GRM4: variants seen among roughly 807,000 people sequenced by gnomAD.
The protein encoded by GRM4 is metabotropic glutamate receptor 4.
In GRM4, 28 loss-of-function variants were observed where a neutral mutation model predicts 81.7. The ratio of observed to expected loss-of-function variants is 0.34; its 90% CI spans 0.25 to 0.47. The LOEUF (loss-of-function observed/expected upper bound fraction) is 0.47, where lower values mean the gene tolerates loss of function less well. Among genes scored for constraint, GRM4 ranks in the 20% least tolerant of loss-of-function variants. The pLI, the probability that GRM4 is intolerant of heterozygous loss-of-function variation, is 1.00. For missense variants in GRM4, 948 were observed against 1,290.0 expected (o/e 0.73, Z 4.06); for synonymous variants, 488 against 528.8 (o/e 0.92, Z 1.06).
chr6:34,028,013 G>C, intron 10 of GRM4, 107 bp downstream of exon 10: 2 of 1,256,560 alleles, frequency 1.6e-6, no homozygotes, highest in South Asian at 3.0e-5. Flanking sequence ...TCCCCAGGAT[G>C]GGGCATCGGG....
intron 3 of GRM4, among the ~76,000 whole-genome samples, chr6:34,077,861 T>A (rs549662368): frequency 9.9e-5 from 15 of 152,106 alleles, no homozygotes; most frequent in Non-Finnish European, 1.9e-4. Context: ...CCTATAACAA[T>A]CTCAATGTCT....
rs1766644152 is a variant in GRM4, at chr6:34,069,101, C to A, written c.737-7073G>T. Among the ~76,000 whole-genome samples, 1 of 151,864 alleles carries A rather than the reference C, an allele frequency of 6.6e-6. No individual in the cohort carries two copies. Among genetic ancestry groups the A allele is most frequent in the Non-Finnish European group, 1.5e-5 (1 of 67,968 alleles). On this transcript the variant is annotated intron_variant, in intron 3 of 10. Transcript: ENST00000538487. This position sits in a 1 kb window ranked among gnomAD's most constrained non-coding sequence, Gnocchi z 6.4. ...GGGGCAGGAGAGCAGGTCCCCCCGG[C>A]TCCCATAGGGGAGGACAGAGGGGAG...
chr6:34,152,986 C>T lies in GRM4; in HGVS notation c.312+2093G>A, dbSNP rs919058241. 3.3e-5 allele frequency among the ~76,000 whole-genome samples: 5 copies of T among 152,076 alleles called. No homozygotes were observed. The highest frequency in any genetic ancestry group is 7.4e-5 in the Non-Finnish European group (5 of 68,022). On this transcript the variant is annotated intron_variant, in intron 1 of 8. Transcript: ENST00000374177. The surrounding 1 kb of genome is among the most constrained non-coding windows in gnomAD (Gnocchi z 4.1). ...TGCTCATCAGAGTCTCCACAACAGCCCTGTGATGGACCAGCCAGTGCAATG... is the reference window on the plus strand; with the variant it reads ...TGCTCATCAGAGTCTCCACAACAGCTCTGTGATGGACCAGCCAGTGCAATG...
chr6:34,037,861 CA>C (rs34369343), intron 8 of GRM4, among the ~76,000 whole-genome samples: 71 of 116,166 alleles, frequency 6.1e-4, no homozygotes, highest in East Asian at 3.1e-3. Context: ...GATTCCGTCT[CA>C]AAAAAAAAAA....
rs1489452594 is a variant in GRM4, at chr6:34,089,048, CT to C, written c.736+2834del. 6.6e-6 allele frequency among the ~76,000 whole-genome samples: 1 copy of C among 152,172 alleles called. No homozygotes were observed. The highest frequency in any genetic ancestry group is 1.5e-5 in the Non-Finnish European group (1 of 68,024). On this transcript the variant is annotated intron_variant, in intron 3 of 10. Transcript: ENST00000538487. The surrounding 1 kb of genome is among the most constrained non-coding windows in gnomAD (Gnocchi z 4.3). Reference sequence around the variant, plus strand: ...TGGCCTTGGGAAAGTGACCCACCCCCTCTGGCCTCCATTTCCCCATCTATAA... The same window carrying C: ...TGGCCTTGGGAAAGTGACCCACCCCCCTGGCCTCCATTTCCCCATCTATAA...
rs906278816 is a variant in GRM4, at chr6:34,046,807, C to G, written c.1169-6059G>C. On this transcript the variant is annotated intron_variant, in intron 6 of 10. Coordinates refer to ENST00000538487, the MANE Select transcript of GRM4 (RefSeq NM_000841.4). Reference sequence around the variant, plus strand: ...CAGATATAAACCTGCATTTACACAGCCTGTCTCCCAGAGCTGTGGGAAGGT... The same window carrying G: ...CAGATATAAACCTGCATTTACACAGGCTGTCTCCCAGAGCTGTGGGAAGGT... Among the ~76,000 whole-genome samples the G allele has an allele frequency of 1.3e-5, 2 of 152,212 alleles. 1 individual carries two copies. The highest frequency in any genetic ancestry group is 4.8e-5 in the African/African-American group (2 of 41,450).
rs1763862107 is a variant in GRM4, at chr6:34,021,249, CACAG to C, written c.*1568_*1571del. Reference sequence around the variant, plus strand: ...TGCGCATGGAGGCGCTGGACGTGCACACAGACACACAGCCAACACAGCCAACACA... The same window carrying C: ...TGCGCATGGAGGCGCTGGACGTGCACACACACAGCCAACACAGCCAACACA... On this transcript the variant is annotated 3_prime_UTR_variant, in exon 11 of 11. Transcript: ENST00000538487. The surrounding 1 kb of genome is among the most constrained non-coding windows in gnomAD (Gnocchi z 5.3). 6.6e-6 allele frequency: 1 copy of C among 152,596 alleles called. No individual in the cohort carries two copies. The highest frequency in any genetic ancestry group is 1.5e-5 in the Non-Finnish European group (1 of 68,210). 9.5% of individuals were successfully genotyped at this position (152,596 alleles called of 1,614,324 possible). A position where few individuals can be genotyped will look rare whatever the true frequency, so the allele number is the denominator to read the frequency against.
chr6:34,151,597 G>A (rs989781249), intron 1 of GRM4, among the ~76,000 whole-genome samples: 1 of 152,124 alleles, frequency 6.6e-6, no homozygotes, highest in Non-Finnish European at 1.5e-5. Flanking sequence ...TGACAGGCAC[G>A]GGAGGGGCGC....
intron 6 of GRM4, among the ~76,000 whole-genome samples, chr6:34,051,983 T>G (rs1016924740): frequency 6.6e-6 from 1 of 152,138 alleles, no homozygotes; most frequent in African/African-American, 2.4e-5. Context: ...AGCCGTATGC[T>G]TGAGAAAGAA....
chr6:34,036,286 G>A lies in GRM4; in HGVS notation c.1824C>T (p.Thr608=), dbSNP rs773604956. 2 of 1,614,158 alleles carry A rather than the reference G, an allele frequency of 1.2e-6. No individual in the cohort carries two copies. The highest frequency in any genetic ancestry group is 1.7e-6 in the Non-Finnish European group (2 of 1,180,010). Residue 608 remains threonine, a synonymous_variant, in exon 9 of 11, where the codon ACC becomes ACT. Transcript: ENST00000538487. This position sits in a 1 kb window ranked among gnomAD's most constrained non-coding sequence, Gnocchi z 9.0. ...GIAATLFVVI[T]FVRYNDTPIV... is the part of the protein sequence containing the mutation. ...TGGGCGTGTCGTTGTAGCGCACAAA[G>A]GTGATCACCACGAACAACGTGGCAG...
intron 6 of GRM4, among the ~76,000 whole-genome samples, chr6:34,044,289 T>TACACAC (rs1213473216): frequency 3.9e-5 from 5 of 129,068 alleles, no homozygotes; most frequent in African/African-American, 1.2e-4. Context: ...CACACACACA[T>TACACAC]AGACATACAT....
chr6:34,026,551 C>A (rs574447722), intron 10 of GRM4, among the ~76,000 whole-genome samples: 7 of 152,086 alleles, frequency 4.6e-5, no homozygotes, highest in African/African-American at 1.7e-4. Flanking sequence ...AGCCTGGAGA[C>A]CCCCAGGCCC....
intron 6 of GRM4, 100 bp downstream of exon 6, chr6:34,056,443 CG>C (rs1319699793): frequency 1.8e-6 from 2 of 1,119,630 alleles, no homozygotes; most frequent in Non-Finnish European, 2.5e-6. Context: ...CACGGCCGGC[CG>C]ACGACAGACA....
intron 10 of GRM4, among the ~76,000 whole-genome samples, chr6:34,025,629 G>A (rs981166756): frequency 9.8e-5 from 15 of 152,302 alleles, no homozygotes; most frequent in African/African-American, 2.4e-4. Context: ...AATGGGAGCC[G>A]TGAGTCTGCC....
At chr6:34,103,553 G>C in intron 2 of GRM4, 1 of 1,503,096 alleles carries the variant, frequency 6.7e-7, no homozygotes, top group South Asian at 1.2e-5. Flanking sequence ...TTTCATAGGC[G>C]AAATGTAGAT....
intron 2 of GRM4, among the ~76,000 whole-genome samples, chr6:34,122,621 TG>T (rs1328939862): frequency 6.7e-5 from 6 of 89,538 alleles, no homozygotes; most frequent in Admixed American, 1.1e-4. Flanking sequence ...GGGCGGGGGG[TG>T]GGGGGGGCAG....
chr6:34,072,762 C>G (rs375858244), intron 3 of GRM4, among the ~76,000 whole-genome samples: 5,404 of 54,492 alleles, frequency 0.099, 234 homozygotes, highest in African/African-American at 0.21. Flanking sequence ...ACACACCACA[C>G]AGATACACAC....
rs1770479791 is a variant in GRM4 at position 34,136,872 on chromosome 6, C to G, written c.-363-3013G>C. ...CCCTCCTTTGATCATGTAACAGGAA[C>G]AAGGGAAAAGTAAAAATACCCCATG... is the stretch of plus-strand genomic sequence containing the variant. On this transcript the variant is annotated intron_variant, in intron 1 of 10. Transcript: ENST00000538487. This position sits in a 1 kb window ranked among gnomAD's most constrained non-coding sequence, Gnocchi z 4.1. Among the ~76,000 whole-genome samples the G allele has an allele frequency of 1.3e-5, 2 of 148,262 alleles. No homozygotes were observed. Among genetic ancestry groups the G allele is most frequent in the Non-Finnish European group, 3.0e-5 (2 of 67,220 alleles).
intron 9 of GRM4, among the ~76,000 whole-genome samples, chr6:34,030,587 A>C (rs975630908): frequency 1.3e-5 from 2 of 152,112 alleles, no homozygotes; most frequent in Non-Finnish European, 2.9e-5. Context: ...CCCTCCATGA[A>C]CACAGGCAGG....
Sources: allele counts gnomAD v4.1 joint callset (sites outside exome capture counted in the v4.1 genomes callset), GRCh38; gene constraint gnomAD v4.1.1; non-coding constraint Gnocchi (gnomAD v3.1); transcripts MANE v1.5; gene names NCBI Gene and HGNC (gene_info 2026-07-23, HGNC 2026-07-21).